CSMD1: variants seen among roughly 807,000 people sequenced by gnomAD.
CSMD1 encodes CUB and Sushi multiple domains 1.
A neutral mutation model predicts 417.5 loss-of-function variants in CSMD1; 213 were observed. The ratio of observed to expected loss-of-function variants is 0.51; its 90% CI spans 0.46 to 0.57. The LOEUF (loss-of-function observed/expected upper bound fraction) is 0.57, where lower values mean the gene tolerates loss of function less well. Among genes scored for constraint, CSMD1 ranks in the 20% least tolerant of loss-of-function variants. The probability of loss-of-function intolerance (pLI) is 0.00; values close to 1 mark genes in which losing one functional copy is unlikely to be tolerated. For missense variants in CSMD1, 6,923 were observed against 4,529.7 expected, an observed-to-expected ratio of 1.53 and a Z score of -15.17; for synonymous variants, 2,862 against 1,736.8, an observed-to-expected ratio of 1.65 and a Z score of -16.11.
chr8:4,090,483 G>A (rs1394013883), intron 3 of CSMD1, among the ~76,000 whole-genome samples: 5 of 152,128 alleles, frequency 3.3e-5, no homozygotes, highest in African/African-American at 1.2e-4. Context: ...AAAACAAACA[G>A]CTAGAAATAA....
intron 3 of CSMD1, among the ~76,000 whole-genome samples, chr8:4,129,478 G>C (rs1255233730): frequency 6.6e-6 from 1 of 152,128 alleles, no homozygotes; most frequent in Non-Finnish European, 1.5e-5. Flanking sequence ...GTGAAGTTTT[G>C]TATTGTGAAA....
chr8:4,222,493 T>A (rs1801099298), intron 3 of CSMD1, among the ~76,000 whole-genome samples: 1 of 152,178 alleles, frequency 6.6e-6, no homozygotes, highest in East Asian at 1.9e-4. Context: ...CAGTCAATAA[T>A]ATAGTTGTTA....
chr8:3,667,329 G>C (rs907161890), intron 7 of CSMD1, among the ~76,000 whole-genome samples: 1 of 152,102 alleles, frequency 6.6e-6, no homozygotes, highest in South Asian at 2.1e-4. Context: ...GTGAAGGGGT[G>C]GCAGGTGTCC....
intron 44 of CSMD1, 119 bp downstream of exon 44, chr8:3,108,484 A>G (rs1304168764): frequency 2.0e-6 from 2 of 1,017,384 alleles, no homozygotes; most frequent in Non-Finnish European, 2.8e-6. Flanking sequence ...GTGCAAAAGA[A>G]TCATACACGC....
At chr8:3,770,018 C>G (rs990915043) in intron 5 of CSMD1, among the ~76,000 whole-genome samples, 2 of 152,088 alleles carry the variant, frequency 1.3e-5, no homozygotes, top group African/African-American at 4.8e-5. Flanking sequence ...TTTTTTAGAT[C>G]CGGCCAATTT....
intron 1 of CSMD1, among the ~76,000 whole-genome samples, chr8:4,967,274 C>T (rs978347542): frequency 6.6e-6 from 1 of 152,146 alleles, no homozygotes; most frequent in Non-Finnish European, 1.5e-5. Flanking sequence ...ATCAATTATT[C>T]TCTTGTCTGT....
intron 1 of CSMD1, among the ~76,000 whole-genome samples, chr8:4,905,819 CAAA>C (rs147276107): frequency 1.1e-5 from 1 of 94,318 alleles, no homozygotes; most frequent in Non-Finnish European, 2.1e-5. Context: ...GACTCCATCT[CAAA>C]AAAAAAAAAA....
intron 1 of CSMD1, among the ~76,000 whole-genome samples, chr8:4,712,779 T>C (rs1367008018): frequency 1.3e-5 from 2 of 152,208 alleles, no homozygotes; most frequent in African/African-American, 4.8e-5. Context: ...TTGGGACCAC[T>C]GCCTGTTGGT....
intron 3 of CSMD1, among the ~76,000 whole-genome samples, chr8:4,213,405 C>T (rs1316025582): frequency 6.6e-6 from 1 of 152,142 alleles, no homozygotes; most frequent in African/African-American, 2.4e-5. Context: ...CCATCCTAAT[C>T]ACTGCTGGTA....
intron 2 of CSMD1, among the ~76,000 whole-genome samples, chr8:4,601,552 A>G (rs2617097): frequency 0.96 from 145,932 of 152,262 alleles, 70,038 homozygotes; most frequent in Non-Finnish European, 0.98. Flanking sequence ...CAGATGATAA[A>G]AGGTAGTATT....
chr8:3,952,011 A>G (rs1206883914), intron 5 of CSMD1, among the ~76,000 whole-genome samples: 1 of 152,224 alleles, frequency 6.6e-6, no homozygotes, highest in Non-Finnish European at 1.5e-5. Flanking sequence ...TTCACCATTT[A>G]TGTCCAAGAT....
chr8:3,117,838 C>T (rs568351195), intron 42 of CSMD1, among the ~76,000 whole-genome samples: 16 of 152,150 alleles, frequency 1.1e-4, no homozygotes, highest in Non-Finnish European at 1.3e-4. Flanking sequence ...CCTATGGCTA[C>T]CTGTACACTG....
At chr8:3,352,886 C>CAAACAAAAA (rs1808509675) in intron 21 of CSMD1, among the ~76,000 whole-genome samples, 2 of 151,888 alleles carry the variant, frequency 1.3e-5, no homozygotes, top group African/African-American at 4.8e-5. Context: ...AACACGAAAA[C>CAAACAAAAA]ACATGGGGGT....
At chr8:3,498,899 T>C (rs1796476264) in intron 10 of CSMD1, among the ~76,000 whole-genome samples, 1 of 152,180 alleles carries the variant, frequency 6.6e-6, no homozygotes, top group Non-Finnish European at 1.5e-5. Context: ...TGAATTGTTT[T>C]CCTACTTTTT....
rs1462601230 is a variant in CSMD1 at position 3,063,405 on chromosome 8, G to A, written c.7475-10758C>T. Reference sequence around the variant, plus strand: ...ACCCTTGTGTACTGTCAATAGGACTGTTAAACAATACAGCCACTGTTGATG... The same window carrying A: ...ACCCTTGTGTACTGTCAATAGGACTATTAAACAATACAGCCACTGTTGATG... On this transcript the variant is annotated intron_variant, in intron 49 of 69. Coordinates refer to ENST00000635120, the MANE Select transcript of CSMD1 (RefSeq NM_033225.6). Among the ~76,000 whole-genome samples, 3 of 152,320 alleles carry A rather than the reference G, an allele frequency of 2.0e-5. No individual in the cohort carries two copies. The East Asian group carries it at 5.8e-4, about 29-fold the overall frequency.
intron 2 of CSMD1, among the ~76,000 whole-genome samples, chr8:4,598,531 A>ATGTATC (rs945148830): frequency 6.6e-6 from 1 of 152,194 alleles, no homozygotes; most frequent in African/African-American, 2.4e-5. Flanking sequence ...CTTAGTTACA[A>ATGTATC]TGTATCTGCC....
chr8:4,394,912 A>G (rs562661520), intron 3 of CSMD1, among the ~76,000 whole-genome samples: 1 of 152,310 alleles, frequency 6.6e-6, no homozygotes, highest in South Asian at 2.1e-4. Context: ...GTTCCTCTAC[A>G]GCAGGTGCAC....
rs144809476 is a variant in CSMD1 at position 4,913,097 on chromosome 8, C to A, written c.85+81235G>T. The stretch of plus-strand genomic sequence containing the variant: ...AGCCCCCACAAGTGGCCAGCACCAG[C>A]TGCTTTAAAAAAAATCGTGAGGGAT... On this transcript the variant is annotated intron_variant, in intron 1 of 69. Transcript: ENST00000635120. 5.3e-5 allele frequency among the ~76,000 whole-genome samples: 8 copies of A among 152,212 alleles called. No individual in the cohort carries two copies. The East Asian group carries it at 1.4e-3, about 26-fold the overall frequency.
At chr8:3,887,358 A>G (rs1806635422) in intron 5 of CSMD1, among the ~76,000 whole-genome samples, 2 of 152,304 alleles carry the variant, frequency 1.3e-5, no homozygotes, top group Middle Eastern at 3.4e-3. Context: ...AAAGCAAGAT[A>G]AATCAACAGC....
Sources: allele counts gnomAD v4.1 joint callset (sites outside exome capture counted in the v4.1 genomes callset), GRCh38; gene constraint gnomAD v4.1.1; transcripts MANE v1.5; gene names NCBI Gene and HGNC (gene_info 2026-07-23, HGNC 2026-07-21).